The following PLA2G4A variants were observed in gnomAD, a reference collection of about 807,000 sequenced individuals.
PLA2G4A encodes the protein cytosolic phospholipase A2.
A neutral mutation model predicts 81.9 loss-of-function variants in PLA2G4A; 40 were observed. That is an observed-to-expected ratio of 0.49 (90% CI 0.38 to 0.64). The LOEUF is 0.64. PLA2G4A is among the 30% of genes least tolerant of loss of function. The pLI is 0.00. For synonymous variants in PLA2G4A, 302 were observed against 296.9 expected (o/e 1.02, Z -0.18); for missense variants, 715 against 905.1 (o/e 0.79, Z 2.69).
intron 3 of PLA2G4A, among the ~76,000 whole-genome samples, chr1:186,880,140 G>A (rs1653675076): frequency 6.6e-6 from 1 of 152,010 alleles, no homozygotes; most frequent in South Asian, 2.1e-4. Flanking sequence ...CCTGTGAGCA[G>A]TGTGTGGGGT....
intron 15 of PLA2G4A, among the ~76,000 whole-genome samples, chr1:186,969,722 T>G (rs1657273534): frequency 7.4e-6 from 1 of 134,686 alleles, no homozygotes; most frequent in Non-Finnish European, 1.6e-5. Context: ...GACATGTTAT[T>G]ACAAATGACA....
At chr1:186,849,248 G>A (rs1235556766) in intron 1 of PLA2G4A, among the ~76,000 whole-genome samples, 1 of 151,974 alleles carries the variant, frequency 6.6e-6, no homozygotes, top group South Asian at 2.1e-4. Flanking sequence ...ATTGTATTCG[G>A]CACTAGGGAT....
chr1:186,856,499 C>T (rs911874654), intron 2 of PLA2G4A, among the ~76,000 whole-genome samples: 2 of 151,616 alleles, frequency 1.3e-5, no homozygotes, highest in Non-Finnish European at 2.9e-5. Flanking sequence ...AAGCAATTCG[C>T]GTGACTTAGC....
chr1:186,884,906 A>G (rs1653878236), intron 3 of PLA2G4A, among the ~76,000 whole-genome samples: 1 of 151,854 alleles, frequency 6.6e-6, no homozygotes, highest in Non-Finnish European at 1.5e-5. Flanking sequence ...AAAAAAAAAA[A>G]AAGAAGGAAT....
chr1:186,904,984 A>T (rs1267872237), intron 5 of PLA2G4A, among the ~76,000 whole-genome samples: 1 of 152,084 alleles, frequency 6.6e-6, no homozygotes, highest in East Asian at 1.9e-4. Context: ...CCTCCCGAGT[A>T]GCTGAGATTA....
At position 186,921,647 on chromosome 1, in the gene PLA2G4A, T is replaced by G. The variant is rs553338384; in HGVS notation, c.558+10258T>G. Among the ~76,000 whole-genome samples, 234 of 152,208 alleles carry G rather than the reference T, an allele frequency of 1.5e-3. 3 individuals carry two copies. The highest frequency in any genetic ancestry group is 6.2e-3 in the South Asian group (30 of 4,822). On this transcript the variant is annotated intron_variant, in intron 7 of 17. Coordinates refer to ENST00000367466, the MANE Select transcript of PLA2G4A (RefSeq NM_024420.3). ...GGGGTGTGGTTATCTGGTGGAGGTG[T>G]AGGTGCTGTGGCCTCAGGAGTGGGG...
intron 3 of PLA2G4A, among the ~76,000 whole-genome samples, chr1:186,880,454 G>A (rs1014990219): frequency 6.6e-6 from 1 of 151,748 alleles, no homozygotes; most frequent in African/African-American, 2.4e-5. Context: ...TTCTAAACTG[G>A]GAAACAATTT....
intron 7 of PLA2G4A, among the ~76,000 whole-genome samples, chr1:186,918,862 T>TG (rs953030949): frequency 1.3e-5 from 2 of 152,214 alleles, no homozygotes; most frequent in African/African-American, 4.8e-5. Flanking sequence ...TACCACAGCA[T>TG]GGGGGGCCTT....
At chr1:186,981,208 A>G (rs1051896594) in intron 17 of PLA2G4A, among the ~76,000 whole-genome samples, 6 of 152,226 alleles carry the variant, frequency 3.9e-5, no homozygotes, top group Non-Finnish European at 7.4e-5. Flanking sequence ...ATTAAATTTG[A>G]TAAGTCTTTC....
intron 5 of PLA2G4A, among the ~76,000 whole-genome samples, chr1:186,903,543 C>T (rs780119833): frequency 6.6e-6 from 1 of 152,172 alleles, no homozygotes; most frequent in Non-Finnish European, 1.5e-5. Flanking sequence ...AGTAGCTCCC[C>T]ATCACTCGCA....
chr1:186,906,344 T>A (rs1571387344), intron 5 of PLA2G4A, among the ~76,000 whole-genome samples: 3 of 152,214 alleles, frequency 2.0e-5, no homozygotes, highest in African/African-American at 7.2e-5. Flanking sequence ...TGGCAGGATG[T>A]CCTCCTTCAA....
rs1553267328 is a variant in PLA2G4A, at chr1:186,837,755, A to AAAG, written c.-70+8722_-70+8723insGAA. On this transcript the variant is annotated intron_variant, in intron 1 of 17. Transcript: ENST00000367466. Reference sequence around the variant, plus strand: ...CCGTCTCAAAAAAAAAAAAAAAAGAAAAAGAAAAGAAAAAAAGAAAATAAA... The same window carrying AAAG: ...CCGTCTCAAAAAAAAAAAAAAAAGAAAAGAAAGAAAAGAAAAAAAGAAAATAAA... Among the ~76,000 whole-genome samples the AAAG allele has an allele frequency of 3.3e-3, 482 of 147,408 alleles. 14 individuals are homozygous for AAAG. The highest frequency in any genetic ancestry group is 0.011 in the African/African-American group (443 of 38,844).
At chr1:186,871,082 A>C (rs1653250810) in intron 3 of PLA2G4A, among the ~76,000 whole-genome samples, 1 of 152,192 alleles carries the variant, frequency 6.6e-6, no homozygotes, top group Non-Finnish European at 1.5e-5. Context: ...GGTATTATGC[A>C]CTTAGAATTG....
rs1423504971 is a variant in PLA2G4A, at chr1:186,954,237, A to G, written c.1337-1865A>G. On this transcript the variant is annotated intron_variant, in intron 13 of 17. Transcript: ENST00000367466. Reference sequence around the variant, plus strand: ...AGGATTAAGAAAATGTGGCAAATATATACCATGGAATACTATATAGCCATA... The same window carrying G: ...AGGATTAAGAAAATGTGGCAAATATGTACCATGGAATACTATATAGCCATA... 3.3e-5 allele frequency among the ~76,000 whole-genome samples: 5 copies of G among 152,208 alleles called. No homozygotes were observed. In the South Asian group the frequency reaches 8.3e-4, roughly 25 times the overall value.
chr1:186,967,138 T>TC (rs1657161373), intron 15 of PLA2G4A, among the ~76,000 whole-genome samples: 1 of 152,186 alleles, frequency 6.6e-6, no homozygotes, highest in Non-Finnish European at 1.5e-5. Context: ...TCTGTTTTTT[T>TC]CTCTATCATA....
At chr1:186,923,639 A>G (rs1368028966) in intron 7 of PLA2G4A, among the ~76,000 whole-genome samples, 14 of 152,220 alleles carry the variant, frequency 9.2e-5, no homozygotes, top group Non-Finnish European at 2.1e-4. Context: ...TTGCAAGAGG[A>G]TGACTCACCC....
rs73051096 is a variant in PLA2G4A at position 186,956,145 on chromosome 1, T to C, written c.1380T>C (p.Asn460=). ...EDAGSDYQSD[N]QASWIHRMIM... ...CTGGAAGTGACTATCAAAGTGATAA[T>C]CAAGCAAGTTGGATTCATCGTATGA... The change falls in exon 14 of 18, where the codon AAT becomes AAC. Residue 460 remains asparagine, a synonymous_variant. Coordinates refer to ENST00000367466, the MANE Select transcript of PLA2G4A (RefSeq NM_024420.3). 9.6e-4 allele frequency: 1,546 copies of C among 1,613,478 alleles called. 14 individuals carry two copies. In the African/African-American group the frequency reaches 0.019, roughly 20 times the overall value.
At chr1:186,932,624 A>G (rs1236163252) in intron 7 of PLA2G4A, 139 bp from the exon 8 acceptor site, 1 of 858,398 alleles carries the variant, frequency 1.2e-6, no homozygotes, top group Non-Finnish European at 2.0e-6. Flanking sequence ...TTAAAAAATT[A>G]GGCATTACTA....
At chr1:186,863,547 C>A (rs1219560236) in intron 2 of PLA2G4A, among the ~76,000 whole-genome samples, 2 of 152,058 alleles carry the variant, frequency 1.3e-5, no homozygotes, top group African/African-American at 4.8e-5. Flanking sequence ...TTACTATTAA[C>A]CATAGTCATC....
Sources: allele counts gnomAD v4.1 joint callset (sites outside exome capture counted in the v4.1 genomes callset), GRCh38; gene constraint gnomAD v4.1.1; transcripts MANE v1.5; gene names NCBI Gene and HGNC (gene_info 2026-07-23, HGNC 2026-07-21).